Variants in XDH observed in about 807,000 individuals in gnomAD.
XDH encodes the protein xanthine dehydrogenase/oxidase.
In XDH, 138 loss-of-function variants were observed where a neutral mutation model predicts 156.1. The observed-to-expected ratio is 0.88, with a 90% CI of 0.77 to 1.02. XDH has a LOEUF of 1.02. Among genes scored for constraint, XDH ranks in the 50% least tolerant of loss-of-function variants. The pLI is 0.00. For missense variants in XDH, 1,849 were observed against 1,684.9 expected (o/e 1.10, Z -1.71); for synonymous variants, 669 against 625.7 (o/e 1.07, Z -1.03).
chr2:31,412,257 C>T (rs1446977185), intron 1 of XDH, among the ~76,000 whole-genome samples: 2 of 152,216 alleles, frequency 1.3e-5, no homozygotes, highest in South Asian at 2.1e-4. Context: ...CATCAAGGCT[C>T]ATCACCACCA....
rs751688778 is a variant in XDH, at chr2:31,379,860, A to C, written c.1242+7T>G. ...AGCAGAGCCTGGAACCACTTCCAAC[A>C]TCTCACCTCCCTGCTGTAGGGGATC... On this transcript the variant is annotated splice_region_variant and intron_variant, in intron 13 of 35. Transcript: ENST00000379416. 1.7e-5 allele frequency: 28 copies of C among 1,613,844 alleles called. No homozygotes were observed. The South Asian group carries it at 3.1e-4, about 18-fold the overall frequency.
At chr2:31,378,113 AG>A (rs2148777327) in intron 13 of XDH, among the ~76,000 whole-genome samples, 1 of 31,142 alleles carries the variant, frequency 3.2e-5, no homozygotes, top group South Asian at 1.5e-3. Context: ...AAAGAAAGGA[AG>A]GAAGGAAGGA....
intron 10 of XDH, 106 bp from the exon 11 acceptor site, chr2:31,383,258 A>C: frequency 6.5e-7 from 1 of 1,547,878 alleles, no homozygotes; most frequent in South Asian, 1.2e-5. Flanking sequence ...AGGCTGAATC[A>C]GGACTCACAG....
intron 14 of XDH, among the ~76,000 whole-genome samples, chr2:31,376,391 TTAG>T (rs1201020380): frequency 6.7e-6 from 1 of 149,316 alleles, no homozygotes; most frequent in Non-Finnish European, 1.5e-5. Flanking sequence ...AATACTACTG[TTAG>T]TAGTAATAGT....
chr2:31,365,566 A>G (rs778301844), intron 22 of XDH, 22 bp from the exon 23 acceptor site: 6 of 1,613,940 alleles, frequency 3.7e-6, no homozygotes, highest in Middle Eastern at 1.7e-4. Flanking sequence ...CGACAGTGTT[A>G]GAAGCCTGTG....
Position 31,370,216 on chromosome 2 carries a change from T to C in XDH, c.1980+139A>G, listed in dbSNP as rs45505593. On this transcript the variant is annotated intron_variant, in intron 18 of 35. Transcript: ENST00000379416. ...CATATTCTATCTTTTTGGATTGTCCTGAATATGGGCCAACTGGATGATGGC... is the reference window on the plus strand; with the variant it reads ...CATATTCTATCTTTTTGGATTGTCCCGAATATGGGCCAACTGGATGATGGC... 5,491 of 1,016,766 alleles carry C rather than the reference T, an allele frequency of 5.4e-3. 183 individuals are homozygous for C. In the African/African-American group the frequency reaches 0.079, roughly 15 times the overall value. The allele number at this position is 1,016,766 out of a possible 1,614,324, so 63.0% of individuals were successfully genotyped here.
intron 15 of XDH, among the ~76,000 whole-genome samples, chr2:31,375,028 T>C (rs985071325): frequency 4.1e-4 from 58 of 140,946 alleles, no homozygotes; most frequent in East Asian, 2.4e-3. Flanking sequence ...TCTTTCTTTT[T>C]TTTTTTTTTT....
intron 24 of XDH, among the ~76,000 whole-genome samples, chr2:31,356,431 G>T (rs557006025): frequency 6.6e-6 from 1 of 152,274 alleles, no homozygotes; most frequent in South Asian, 2.1e-4. Flanking sequence ...TGAACCATTG[G>T]AGTGGATCCT....
intron 33 of XDH, among the ~76,000 whole-genome samples, chr2:31,340,280 T>A (rs1685092916): frequency 2.0e-5 from 3 of 152,208 alleles, no homozygotes; most frequent in African/African-American, 7.2e-5. Flanking sequence ...ACTGGCTTGG[T>A]GCCTGGCCAC....
At chr2:31,394,006 G>A (rs1407279130) in intron 6 of XDH, among the ~76,000 whole-genome samples, 1 of 151,694 alleles carries the variant, frequency 6.6e-6, no homozygotes, top group East Asian at 1.9e-4. Flanking sequence ...ATATACATAT[G>A]CACACATAAA....
chr2:31,397,585 C>A, intron 6 of XDH, 83 bp downstream of exon 6: 1 of 1,512,722 alleles, frequency 6.6e-7, no homozygotes, highest in South Asian at 1.1e-5. Context: ...AGACCAGAGG[C>A]CCTTGGTCTC....
At chr2:31,402,410 T>C (rs900474968) in intron 3 of XDH, among the ~76,000 whole-genome samples, 1 of 152,198 alleles carries the variant, frequency 6.6e-6, no homozygotes, top group Non-Finnish European at 1.5e-5. Flanking sequence ...TCAAATAAAC[T>C]GTAAAAATTG....
intron 14 of XDH, among the ~76,000 whole-genome samples, chr2:31,376,007 T>A (rs540001073): frequency 6.6e-6 from 1 of 152,214 alleles, no homozygotes; most frequent in Non-Finnish European, 1.5e-5. Context: ...AAGTTAAGCT[T>A]TATTGATCCT....
At chr2:31,411,957 AAGTG>A (rs45455193) in intron 1 of XDH, among the ~76,000 whole-genome samples, 333 of 150,448 alleles carry the variant, frequency 2.2e-3, no homozygotes, top group African/African-American at 5.1e-3. Context: ...AATGATGAGT[AAGTG>A]AGTGAGTGAG....
chr2:31,364,509 C>G (rs1685857935), intron 23 of XDH, among the ~76,000 whole-genome samples: 1 of 151,992 alleles, frequency 6.6e-6, no homozygotes, highest in Non-Finnish European at 1.5e-5. Context: ...GCTACCGGCA[C>G]CTGGCTTCTG....
At chr2:31,381,536 C>T in intron 12 of XDH, 97 bp downstream of exon 12, 2 of 1,272,788 alleles carry the variant, frequency 1.6e-6, no homozygotes, top group Non-Finnish European at 2.3e-6. Flanking sequence ...AGCTGGGTCA[C>T]TGAACTTTGA....
chr2:31,379,222 T>C (rs1686361117), intron 13 of XDH, among the ~76,000 whole-genome samples: 1 of 152,118 alleles, frequency 6.6e-6, no homozygotes, highest in Non-Finnish European at 1.5e-5. Flanking sequence ...AGGCAGCCAG[T>C]GGTGCCCAGA....
In XDH at chr2:31,373,890, C is replaced by T. The variant is rs201792967; in HGVS notation, c.1669G>A (p.Asp557Asn). The change falls in exon 16 of 36, where the codon GAT (aspartate) becomes AAT (asparagine). Residue 557 changes from aspartate to asparagine, a missense_variant. Coordinates refer to ENST00000379416, the MANE Select transcript of XDH (RefSeq NM_000379.4). ...GTACTCACTTGGAAGAGCTGGACAT[C>T]GGCTGGGGGGTCTTTCTGAAACAGT... ...TLLFQKDPPA[D>N]VQLFQEVPKG... 292 of 1,613,788 alleles carry T rather than the reference C, an allele frequency of 1.8e-4. No individual in the cohort carries two copies. The East Asian group carries it at 5.1e-3, about 28-fold the overall frequency.
At chr2:31,413,506 C>T (rs753354477) in intron 1 of XDH, among the ~76,000 whole-genome samples, 7 of 152,138 alleles carry the variant, frequency 4.6e-5, no homozygotes, top group Non-Finnish European at 1.0e-4. Context: ...GGAGCACTGA[C>T]GTTGAAACAG....
Sources: allele counts gnomAD v4.1 joint callset (sites outside exome capture counted in the v4.1 genomes callset), GRCh38; gene constraint gnomAD v4.1.1; transcripts MANE v1.5; gene names NCBI Gene and HGNC (gene_info 2026-07-23, HGNC 2026-07-21).